The following CDH12 variants were observed in gnomAD, a reference collection of about 807,000 sequenced individuals.
CDH12 encodes the protein cadherin-12.
CDH12 carries 41 observed loss-of-function variants against 74.1 expected under a neutral mutation model. That is an observed-to-expected ratio of 0.55 (90% confidence interval 0.43 to 0.72). The LOEUF (loss-of-function observed/expected upper bound fraction) is 0.72. Ranked by LOEUF, CDH12 falls within the 30% of genes least tolerant of loss-of-function variation. CDH12 has a pLI of 0.00. For synonymous variants in CDH12, 399 were observed against 355.0 expected, an observed-to-expected ratio of 1.12 and a Z score of -1.39; for missense variants, 945 against 977.2, an observed-to-expected ratio of 0.97 and a Z score of 0.44.
intron 3 of CDH12, among the ~76,000 whole-genome samples, chr5:22,386,298 C>T (rs1224758563): frequency 6.6e-6 from 1 of 152,178 alleles, no homozygotes; most frequent in African/African-American, 2.4e-5. Flanking sequence ...GGCCTCTCCT[C>T]TAACAGTGGG....
At chr5:22,353,709 A>C (rs145380254) in intron 3 of CDH12, among the ~76,000 whole-genome samples, 1 of 152,222 alleles carries the variant, frequency 6.6e-6, no homozygotes, top group East Asian at 1.9e-4. Context: ...ATACTCGAAA[A>C]GTTTGGTCAT....
intron 1 of CDH12, among the ~76,000 whole-genome samples, chr5:22,791,627 G>A (rs981649213): frequency 6.6e-6 from 1 of 151,966 alleles, no homozygotes; most frequent in African/African-American, 2.4e-5. Flanking sequence ...CCTGAGATTG[G>A]GTAATTCATA....
intron 5 of CDH12, among the ~76,000 whole-genome samples, chr5:22,025,712 G>A (rs1284592076): frequency 6.6e-6 from 1 of 152,092 alleles, no homozygotes; most frequent in Non-Finnish European, 1.5e-5. Context: ...TTCAAAATTG[G>A]AGTCAATCCT....
chr5:22,669,834 A>G (rs1004011287), intron 1 of CDH12, among the ~76,000 whole-genome samples: 1 of 152,196 alleles, frequency 6.6e-6, no homozygotes, highest in African/African-American at 2.4e-5. Context: ...GTTTCATGTT[A>G]TGAGCAGCTG....
intron 5 of CDH12, among the ~76,000 whole-genome samples, chr5:22,004,501 A>G (rs1279522640): frequency 6.6e-6 from 1 of 152,086 alleles, no homozygotes; most frequent in African/African-American, 2.4e-5. Flanking sequence ...CTCACTGTTC[A>G]TGCACGCTGC....
chr5:22,202,437 G>A (rs1214295205), intron 4 of CDH12, among the ~76,000 whole-genome samples: 2 of 152,066 alleles, frequency 1.3e-5, no homozygotes, highest in Admixed American at 6.6e-5. Context: ...TAATATTAGC[G>A]ACAACAAGCT....
At chr5:22,012,342 A>G (rs1158623010) in intron 5 of CDH12, among the ~76,000 whole-genome samples, 3 of 152,176 alleles carry the variant, frequency 2.0e-5, no homozygotes, top group East Asian at 3.8e-4. Flanking sequence ...AAACATTACA[A>G]TAGTGAGAAA....
chr5:22,265,853 A>T (rs879492551), intron 3 of CDH12, among the ~76,000 whole-genome samples: 3 of 152,122 alleles, frequency 2.0e-5, no homozygotes, highest in Non-Finnish European at 4.4e-5. Context: ...CAAATAAAAT[A>T]CATTCAAACA....
Position 22,032,621 on chromosome 5 carries a change from T to C in CDH12, c.231+45825A>G, listed in dbSNP as rs568965970. 3.2e-4 allele frequency among the ~76,000 whole-genome samples: 49 copies of C among 151,452 alleles called. 1 individual carries two copies. Among genetic ancestry groups the C allele is most frequent in the Admixed American group, 2.6e-3 (39 of 15,180 alleles). ...AGCTACTTGGGAAGCTGAGGCAGAA[T>C]TGCATGAACCCAGAAGGTGCAGGTT... On this transcript the variant is annotated intron_variant, in intron 5 of 14. Transcript: ENST00000382254.
intron 11 of CDH12, among the ~76,000 whole-genome samples, chr5:21,780,160 C>T (rs568264403): frequency 1.3e-5 from 2 of 152,268 alleles, no homozygotes; most frequent in South Asian, 4.1e-4. Context: ...TTATTAGCCT[C>T]CATACCCTGT....
intron 1 of CDH12, among the ~76,000 whole-genome samples, chr5:22,686,160 T>C (rs1170570750): frequency 2.0e-5 from 3 of 152,148 alleles, no homozygotes; most frequent in African/African-American, 7.2e-5. Context: ...ATATGGAATG[T>C]CTTTTTATGT....
In CDH12 at chr5:21,903,384, A is replaced by G. The variant is rs571365062; in HGVS notation, c.527-48594T>C. ...GTACGTTTGAAAAACGTACGTAAGA[A>G]GCATGCAAATAGATCCCAACAGTTC... is the stretch of plus-strand genomic sequence containing the variant. On this transcript the variant is annotated intron_variant, in intron 6 of 14. Transcript: ENST00000382254. 1.5e-4 allele frequency among the ~76,000 whole-genome samples: 23 copies of G among 152,262 alleles called. 1 individual carries two copies. The highest frequency in any genetic ancestry group is 5.3e-4 in the African/African-American group (22 of 41,562).
At chr5:22,145,140 C>T (rs1747072403) in intron 4 of CDH12, among the ~76,000 whole-genome samples, 1 of 152,048 alleles carries the variant, frequency 6.6e-6, no homozygotes, top group South Asian at 2.1e-4. Context: ...TTTTCTTCAA[C>T]TCCACGTCAA....
chr5:22,360,450 AC>A (rs894910827), intron 3 of CDH12, among the ~76,000 whole-genome samples: 153 of 152,084 alleles, frequency 1.0e-3, no homozygotes, highest in Admixed American at 2.7e-3. Context: ...TAACTTACCA[AC>A]AAAAATGTCC....
chr5:22,490,927 A>G (rs932908242), intron 2 of CDH12, among the ~76,000 whole-genome samples: 1 of 152,176 alleles, frequency 6.6e-6, no homozygotes, highest in African/African-American at 2.4e-5. Context: ...CCCTTTACAT[A>G]CAGGACAGCC....
chr5:22,065,118 T>G (rs1474039346), intron 5 of CDH12, among the ~76,000 whole-genome samples: 1 of 152,182 alleles, frequency 6.6e-6, no homozygotes, highest in East Asian at 1.9e-4. Context: ...CGCCTGATGC[T>G]GTTACCTTGC....
chr5:22,168,734 G>A (rs1009872031), intron 4 of CDH12, among the ~76,000 whole-genome samples: 2 of 150,198 alleles, frequency 1.3e-5, no homozygotes, highest in South Asian at 4.2e-4. Context: ...ATACTGTTTT[G>A]AGTTATGTTG....
chr5:21,832,678 A>AATTAATTT (rs1749089697), intron 8 of CDH12, among the ~76,000 whole-genome samples: 1 of 148,022 alleles, frequency 6.8e-6, no homozygotes, highest in African/African-American at 2.5e-5. Flanking sequence ...TGAGATACAC[A>AATTAATTT]ATTAACTTAT....
chr5:22,825,218 G>A (rs1043499136), intron 1 of CDH12, among the ~76,000 whole-genome samples: 1 of 152,096 alleles, frequency 6.6e-6, no homozygotes, highest in Admixed American at 6.6e-5. Context: ...TGTCTTTTTG[G>A]TGTGGGTATG....
Sources: gnomAD v4.1 joint callset for allele counts (sites outside exome capture counted in the v4.1 genomes callset) on GRCh38, gnomAD v4.1.1 for gene constraint, MANE v1.5 for transcripts, NCBI Gene and HGNC (gene_info 2026-07-23, HGNC 2026-07-21) for gene names.